GRID1: variants seen among roughly 807,000 people sequenced by gnomAD.
GRID1 encodes glutamate ionotropic receptor delta type subunit 1, also known as glutamate receptor ionotropic, delta-1.
In GRID1, 28 loss-of-function variants were observed where a neutral mutation model predicts 98.0. The observed-to-expected ratio is 0.29, with a 90% CI of 0.21 to 0.39. GRID1 has a LOEUF of 0.39. Among genes scored for constraint, GRID1 ranks in the 10% least tolerant of loss-of-function variants. GRID1 has a pLI of 1.00. For missense variants in GRID1, 1,111 were observed against 1,340.5 expected, an observed-to-expected ratio of 0.83 and a Z score of 2.67; for synonymous variants, 553 against 538.5, an observed-to-expected ratio of 1.03 and a Z score of -0.37.
chr10:86,274,893 T>C (rs947051689), intron 2 of GRID1, among the ~76,000 whole-genome samples: 6 of 152,018 alleles, frequency 3.9e-5, no homozygotes, highest in Non-Finnish European at 8.8e-5. Context: ...CCTAATTGAA[T>C]ACCCTTTATT....
intron 2 of GRID1, among the ~76,000 whole-genome samples, chr10:86,327,194 C>G (rs540322384): frequency 6.6e-6 from 1 of 152,262 alleles, no homozygotes; most frequent in African/African-American, 2.4e-5. Flanking sequence ...AAATGAACAC[C>G]TTTGTTGGAC....
intron 2 of GRID1, among the ~76,000 whole-genome samples, chr10:86,245,430 T>C (rs1042904846): frequency 6.6e-6 from 1 of 151,888 alleles, no homozygotes; most frequent in African/African-American, 2.4e-5. Context: ...ATTCCTCTTC[T>C]ACCATTCGCT....
intron 6 of GRID1, among the ~76,000 whole-genome samples, chr10:85,862,994 C>T (rs367578174): frequency 6.6e-6 from 1 of 152,168 alleles, no homozygotes; most frequent in Non-Finnish European, 1.5e-5. Flanking sequence ...GCTTCAAAGG[C>T]TGAATCCTGC....
intron 5 of GRID1, among the ~76,000 whole-genome samples, chr10:85,882,307 T>C (rs1841042522): frequency 6.6e-6 from 1 of 152,164 alleles, no homozygotes; most frequent in Non-Finnish European, 1.5e-5. Context: ...CATGCTGCTA[T>C]AAAGACACAT....
At chr10:86,343,173 C>T (rs552934206) in intron 2 of GRID1, among the ~76,000 whole-genome samples, 1 of 152,330 alleles carries the variant, frequency 6.6e-6, no homozygotes, top group South Asian at 2.1e-4. Context: ...GAGGGTTATT[C>T]ACCTTCTTCT....
At chr10:85,996,411 T>G (rs1842738928) in intron 4 of GRID1, among the ~76,000 whole-genome samples, 1 of 152,202 alleles carries the variant, frequency 6.6e-6, no homozygotes, top group Non-Finnish European at 1.5e-5. Context: ...AGGAATGTTA[T>G]GCTGAAGTAT....
intron 4 of GRID1, among the ~76,000 whole-genome samples, chr10:86,034,350 G>C (rs1395193739): frequency 6.6e-6 from 1 of 152,082 alleles, no homozygotes; most frequent in African/African-American, 2.4e-5. Context: ...CAAATGGAGG[G>C]AAAGACACCA....
chr10:85,927,029 T>C (rs976555010), intron 4 of GRID1, among the ~76,000 whole-genome samples: 4 of 152,176 alleles, frequency 2.6e-5, no homozygotes, highest in African/African-American at 7.2e-5. Context: ...AACTAAATCA[T>C]CACCCACTTA....
At chr10:86,293,684 T>C (rs56143120) in intron 2 of GRID1, among the ~76,000 whole-genome samples, 8,316 of 151,988 alleles carry the variant, frequency 0.055, 423 homozygotes, top group African/African-American at 0.13. Context: ...CACACCAACC[T>C]GTCAGCACAG....
At chr10:86,358,747 G>C (rs144904379) in intron 2 of GRID1, among the ~76,000 whole-genome samples, 1,625 of 151,936 alleles carry the variant, frequency 0.011, 32 homozygotes, top group African/African-American at 0.036. Context: ...GACAGAGAGA[G>C]ACTCTGTCTC....
At chr10:86,237,552 T>A (rs1363833279) in intron 2 of GRID1, among the ~76,000 whole-genome samples, 1 of 151,998 alleles carries the variant, frequency 6.6e-6, no homozygotes, top group Non-Finnish European at 1.5e-5. Context: ...TACAAAAAAT[T>A]AGCTGGGCAT....
intron 13 of GRID1, among the ~76,000 whole-genome samples, chr10:85,633,677 T>G (rs1843000563): frequency 6.6e-6 from 1 of 152,206 alleles, no homozygotes; most frequent in East Asian, 1.9e-4. Flanking sequence ...CTAACTCCAT[T>G]TGTGGCTAAG....
At chr10:85,974,582 T>C (rs569122898) in intron 4 of GRID1, among the ~76,000 whole-genome samples, 1 of 152,344 alleles carries the variant, frequency 6.6e-6, no homozygotes, top group Admixed American at 6.5e-5. Flanking sequence ...GGGATCCTCA[T>C]CTGTCAAGCA....
chr10:86,049,374 G>A (rs1210089755), intron 4 of GRID1, among the ~76,000 whole-genome samples: 1 of 152,190 alleles, frequency 6.6e-6, no homozygotes, highest in Non-Finnish European at 1.5e-5. Flanking sequence ...TTCCAGCAGT[G>A]TAGATATTTT....
At chr10:86,222,606 A>G (rs1194218328) in intron 2 of GRID1, among the ~76,000 whole-genome samples, 1 of 152,190 alleles carries the variant, frequency 6.6e-6, no homozygotes, top group Non-Finnish European at 1.5e-5. Context: ...GACGCACCCC[A>G]GGAGAGGCAG....
intron 13 of GRID1, among the ~76,000 whole-genome samples, chr10:85,642,277 CAG>C (rs1490710919): frequency 6.6e-6 from 1 of 152,166 alleles, no homozygotes; most frequent in African/African-American, 2.4e-5. Flanking sequence ...GACCAGGAGT[CAG>C]AGTTTGCCAA....
chr10:85,977,740 C>T (rs541007271), intron 4 of GRID1, among the ~76,000 whole-genome samples: 7 of 152,308 alleles, frequency 4.6e-5, no homozygotes, highest in Admixed American at 1.3e-4. Context: ...TATTTCACAT[C>T]CAGAAATACC....
chr10:85,907,123 TG>T (rs1364940977), intron 5 of GRID1, among the ~76,000 whole-genome samples: 8 of 152,340 alleles, frequency 5.3e-5, no homozygotes, highest in Non-Finnish European at 7.3e-5. Context: ...TGTTTTGTTT[TG>T]TTTTTTTGAG....
intron 4 of GRID1, among the ~76,000 whole-genome samples, chr10:86,103,150 C>T (rs1365688690): frequency 6.6e-6 from 1 of 152,064 alleles, no homozygotes; most frequent in East Asian, 1.9e-4. Flanking sequence ...AGCAGGAAAG[C>T]AAGAGGACAA....
Sources: gnomAD v4.1 joint callset for allele counts (sites outside exome capture counted in the v4.1 genomes callset) on GRCh38, gnomAD v4.1.1 for gene constraint, MANE v1.5 for transcripts, NCBI Gene and HGNC (gene_info 2026-07-23, HGNC 2026-07-21) for gene names.